BRWD1: variants seen among roughly 807,000 people sequenced by gnomAD.
BRWD1 encodes the protein bromodomain and WD repeat domain containing 1.
Under a neutral mutation model 251.2 loss-of-function variants are expected in BRWD1, and 82 were observed. That is an observed-to-expected ratio of 0.33 (90% CI 0.27 to 0.39). The LOEUF (loss-of-function observed/expected upper bound fraction) is 0.39, where lower values mean the gene tolerates loss of function less well. Ranked by LOEUF, BRWD1 falls within the 10% of genes least tolerant of loss-of-function variation. The probability of loss-of-function intolerance (pLI) is 1.00; values close to 1 mark genes in which losing one functional copy is unlikely to be tolerated. For missense variants in BRWD1, 2,233 were observed against 2,711.6 expected (o/e 0.82, Z 3.92); for synonymous variants, 918 against 902.8 (o/e 1.02, Z -0.30).
intron 7 of BRWD1, among the ~76,000 whole-genome samples, 168 bp from the exon 8 acceptor site, chr21:39,294,200 T>C (rs1258662628): frequency 6.6e-6 from 1 of 152,232 alleles, no homozygotes; most frequent in Non-Finnish European, 1.5e-5. Context: ...TATGGAATAA[T>C]AGTATTTTTC....
intron 31 of BRWD1, 139 bp downstream of exon 31, chr21:39,218,013 C>G: frequency 1.1e-6 from 1 of 934,276 alleles, no homozygotes; most frequent in Non-Finnish European, 1.5e-6. Flanking sequence ...CATCTAACAC[C>G]ATCTGACAAT....
rs141549550 is a variant in BRWD1 at position 39,283,615 on chromosome 21, A to C, written c.832-3367T>G. Among the ~76,000 whole-genome samples the C allele has an allele frequency of 2.0e-5, 3 of 152,334 alleles. No homozygotes were observed. The East Asian group carries it at 5.8e-4, about 29-fold the overall frequency. On this transcript the variant is annotated intron_variant, in intron 8 of 40. Coordinates refer to ENST00000342449, the MANE Select transcript of BRWD1 (RefSeq NM_033656.4). ...TCGTATTAAGCTCTCAGCAGTTCTAACAAGTTTTAACAGAATTCACTAATG... is the reference window on the plus strand; with the variant it reads ...TCGTATTAAGCTCTCAGCAGTTCTACCAAGTTTTAACAGAATTCACTAATG...
chr21:39,209,594 A>G (rs1213973045), intron 36 of BRWD1, among the ~76,000 whole-genome samples: 2 of 152,206 alleles, frequency 1.3e-5, no homozygotes, highest in East Asian at 3.8e-4. Context: ...TGCTGTCAGC[A>G]GTCTCACAAT....
chr21:39,315,242 G>T (rs918154780), upstream of BRWD1, among the ~76,000 whole-genome samples: 6 of 152,146 alleles, frequency 3.9e-5, no homozygotes, highest in Non-Finnish European at 8.8e-5. Flanking sequence ...GGCCTCAGGT[G>T]ATCCACCCGC....
Position 39,212,518 on chromosome 21 carries a change from A to T in BRWD1, c.3900+148T>A, listed in dbSNP as rs2032705879. ...AGTACAAATTCCAACTCTCCCACTA[A>T]ATCTTTCCAGTAATTTCTCCCATTT... is the stretch of plus-strand genomic sequence containing the variant. On this transcript the variant is annotated intron_variant, in intron 34 of 40. Coordinates refer to ENST00000342449, the MANE Select transcript of BRWD1 (RefSeq NM_033656.4). 3 of 643,250 alleles carry T rather than the reference A, an allele frequency of 4.7e-6. No homozygotes were observed. The South Asian group carries it at 6.0e-5, about 13-fold the overall frequency. The allele number at this position is 643,250 out of a possible 1,614,324, so 39.8% of individuals were successfully genotyped here.
chr21:39,279,015 C>A (rs2035366609), intron 9 of BRWD1, among the ~76,000 whole-genome samples: 1 of 152,172 alleles, frequency 6.6e-6, no homozygotes, highest in Non-Finnish European at 1.5e-5. Context: ...GGACCACAGG[C>A]ACACAACACC....
chr21:39,239,641 T>C (rs1268199935), intron 21 of BRWD1, among the ~76,000 whole-genome samples: 1 of 152,216 alleles, frequency 6.6e-6, no homozygotes, highest in Non-Finnish European at 1.5e-5. Flanking sequence ...TTGTGCTGGC[T>C]ATACTGGATC....
chr21:39,258,460 G>C (rs754378165), intron 18 of BRWD1, 27 bp downstream of exon 18: 2 of 1,515,128 alleles, frequency 1.3e-6, no homozygotes, highest in Admixed American at 4.0e-5. Flanking sequence ...GCCATATTCA[G>C]GTAAAACATT....
At chr21:39,229,522 T>C (rs1159247385) in intron 25 of BRWD1, 86 bp from the exon 26 acceptor site, 2 of 1,321,794 alleles carry the variant, frequency 1.5e-6, no homozygotes, top group African/African-American at 3.0e-5. Flanking sequence ...TTAAGTAAAC[T>C]CATAATTTAG....
chr21:39,298,791 A>AT (rs888324182), intron 4 of BRWD1, among the ~76,000 whole-genome samples: 19 of 151,578 alleles, frequency 1.3e-4, no homozygotes, highest in South Asian at 4.2e-4. Flanking sequence ...CTTCAGCAAC[A>AT]TTTTTTTTTG....
chr21:39,304,838 G>A (rs1030585548), intron 4 of BRWD1, among the ~76,000 whole-genome samples: 5 of 151,440 alleles, frequency 3.3e-5, no homozygotes, highest in Non-Finnish European at 7.4e-5. Context: ...AATGAATAAA[G>A]CATTTTCTAA....
chr21:39,246,797 G>A (rs1176517560), intron 21 of BRWD1, among the ~76,000 whole-genome samples: 3 of 152,064 alleles, frequency 2.0e-5, no homozygotes, highest in Non-Finnish European at 4.4e-5. Flanking sequence ...TTAAGAGCCC[G>A]TCCGGCTGGG....
chr21:39,317,719 G>T (rs142778856), upstream of BRWD1, among the ~76,000 whole-genome samples: 1 of 152,202 alleles, frequency 6.6e-6, no homozygotes, highest in Admixed American at 6.5e-5. Context: ...CTCATTTACC[G>T]CAGGCAACTC....
At chr21:39,262,646 C>T (rs1284446096) in intron 17 of BRWD1, among the ~76,000 whole-genome samples, 1 of 151,806 alleles carries the variant, frequency 6.6e-6, no homozygotes, top group African/African-American at 2.4e-5. Context: ...ACCCGGGTGG[C>T]GGAGGTTGCA....
In BRWD1 at chr21:39,191,798, CCTCTT is replaced by C. The variant is rs1371010480; in HGVS notation, c.*4456_*4460del. 3 of 984,916 alleles carry C rather than the reference CCTCTT, an allele frequency of 3.0e-6. No homozygotes were observed. The highest frequency in any genetic ancestry group is 3.6e-6 in the Non-Finnish European group (3 of 829,660). The allele number at this position is 984,916 out of a possible 1,614,324, so 61.0% of individuals were successfully genotyped here. A position where few individuals can be genotyped will look rare whatever the true frequency, so the allele number is the denominator to read the frequency against. ...CATTTCAGTTAGGTCAATTGGACTG[CCTCTT>C]CTCTTTGGCAGTCTAAAATCTCATT... On this transcript the variant is annotated 3_prime_UTR_variant, in exon 41 of 41. Transcript: ENST00000342449.
Position 39,197,300 on chromosome 21 carries a change from A to G in BRWD1, c.5769T>C (p.Gly1923=). 1 of 1,613,960 alleles carries G rather than the reference A, an allele frequency of 6.2e-7. No homozygotes were observed. The highest frequency in any genetic ancestry group is 8.5e-7 in the Non-Finnish European group (1 of 1,179,922). ...VVKKSSKART[G]LLRITRRCAA... is the part of the protein sequence containing the mutation. ...CACATCTTCGAGTAATCCTCAGGAG[A>G]CCTGTTCTGGCTTTTGATGATTTCT... Residue 1923 remains glycine, a synonymous_variant, in exon 41 of 41, where the codon GGT becomes GGC. Transcript: ENST00000342449.
In BRWD1 at chr21:39,197,189, T is replaced by A. The variant is rs1304955193; in HGVS notation, c.5880A>T (p.Gly1960=). 1.9e-6 allele frequency: 3 copies of A among 1,613,982 alleles called. No individual in the cohort carries two copies. In the African/African-American group the frequency reaches 4.0e-5, roughly 22 times the overall value. Residue 1960 remains glycine, a synonymous_variant, in exon 41 of 41, where the codon GGA becomes GGT. Coordinates refer to ENST00000342449, the MANE Select transcript of BRWD1 (RefSeq NM_033656.4). ...AAGCAAGATGGAGAGGTTTTTTCCT[T>A]CCATTTTTGCTTCTAGTGTGCACAT... The part of the protein sequence containing the change: ...LENVHTRSKN[G]RKKPLHLACT...
intron 1 of BRWD1, 51 bp from the exon 2 acceptor site, chr21:39,313,350 A>ACGGGGCC: frequency 3.4e-6 from 5 of 1,466,402 alleles, no homozygotes; most frequent in East Asian, 5.5e-5. Context: ...GGGGAGGGGG[A>ACGGGGCC]CGGGGCCAGG....
upstream of BRWD1, chr21:39,315,570 G>A (rs1396898343): frequency 6.6e-6 from 1 of 152,100 alleles, no homozygotes; most frequent in African/African-American, 2.4e-5. Context: ...GGAGGCGGAG[G>A]CTGCAGTGAA....
Sources: allele counts gnomAD v4.1 joint callset (sites outside exome capture counted in the v4.1 genomes callset), GRCh38; gene constraint gnomAD v4.1.1; transcripts MANE v1.5; gene names NCBI Gene and HGNC (gene_info 2026-07-23, HGNC 2026-07-21).